The following MAMLD1 variants were observed in gnomAD, a reference collection of about 807,000 sequenced individuals.
MAMLD1 encodes the protein mastermind like domain containing 1, also known as mastermind-like domain-containing protein 1.
In MAMLD1, 14 loss-of-function variants were observed where a neutral mutation model predicts 45.0. The ratio of observed to expected loss-of-function variants is 0.31; its 90% CI spans 0.21 to 0.49. MAMLD1 has a LOEUF of 0.49. MAMLD1 is among the 20% of genes least tolerant of loss of function. MAMLD1 has a pLI of 0.99. For missense variants in MAMLD1, 543 were observed against 603.6 expected, an observed-to-expected ratio of 0.90 and a Z score of 1.05; for synonymous variants, 254 against 247.8, an observed-to-expected ratio of 1.02 and a Z score of -0.24.
At chrX:150,460,699 C>T (rs782806475) in intron 2 of MAMLD1, among the ~76,000 whole-genome samples, 2 of 111,991 alleles carry the variant, frequency 1.8e-5, no homozygotes, top group South Asian at 7.5e-4. Context: ...GCTGTGGCTA[C>T]CCCATATAGT....
intron 1 of MAMLD1, among the ~76,000 whole-genome samples, chrX:150,398,413 C>T (rs372364810): frequency 6.6e-5 from 7 of 106,584 alleles, no homozygotes; most frequent in African/African-American, 1.4e-4. Flanking sequence ...AGACAGGGAA[C>T]GAAGGAGCAA....
intron 1 of MAMLD1, among the ~76,000 whole-genome samples, chrX:150,423,614 AAGAG>A (rs138772700): frequency 0.27 from 27,246 of 101,403 alleles, 3,054 homozygotes; most frequent in Middle Eastern, 0.35. Flanking sequence ...AAGAGAGAGA[AAGAG>A]AGAGAGAGAG....
At chrX:150,424,832 A>G (rs2034649274) in intron 1 of MAMLD1, among the ~76,000 whole-genome samples, 1 of 111,901 alleles carries the variant, frequency 8.9e-6, no homozygotes, top group South Asian at 3.7e-4. Context: ...ACCACAATTA[A>G]TTCAAGAACA....
chrX:150,434,016 G>T (rs1284125266), intron 1 of MAMLD1, among the ~76,000 whole-genome samples: 1 of 111,717 alleles, frequency 9.0e-6, no homozygotes, highest in Non-Finnish European at 1.9e-5. Flanking sequence ...GAATTTGACT[G>T]TGAATCCATC....
At chrX:150,432,473 T>G (rs1420885216) in intron 1 of MAMLD1, among the ~76,000 whole-genome samples, 2 of 111,970 alleles carry the variant, frequency 1.8e-5, no homozygotes, top group Non-Finnish European at 3.8e-5. Flanking sequence ...TTTGGCATAT[T>G]TGTCATAAAA....
intron 5 of MAMLD1, among the ~76,000 whole-genome samples, chrX:150,497,266 A>AT (rs782429434): frequency 9.9e-6 from 1 of 101,102 alleles, no homozygotes; most frequent in Non-Finnish European, 2.0e-5. Flanking sequence ...TTTTTAAAAA[A>AT]TTTTTTTCTT....
intron 3 of MAMLD1, among the ~76,000 whole-genome samples, chrX:150,464,027 G>A (rs2036137996): frequency 8.9e-6 from 1 of 112,178 alleles, no homozygotes; most frequent in Admixed American, 9.4e-5. Context: ...GCTCTCCTCA[G>A]TGAGTACAAT....
chrX:150,370,523 C>G (rs1557400969), intron 1 of MAMLD1, among the ~76,000 whole-genome samples: 1 of 111,611 alleles, frequency 9.0e-6, no homozygotes, highest in Non-Finnish European at 1.9e-5. Context: ...AGGTAAGAAA[C>G]AGTAGCTTGT....
intron 1 of MAMLD1, among the ~76,000 whole-genome samples, chrX:150,431,365 C>G (rs143879863): frequency 0.041 from 4,160 of 100,532 alleles, 80 homozygotes; most frequent in Non-Finnish European, 0.062. Context: ...ACAATCATGT[C>G]AACTGCAATC....
Position 150,445,536 on chromosome X carries a change from G to A in MAMLD1, c.20G>A (p.Arg7Gln), listed in dbSNP as rs1557404746. ...CAAACAATGGATGACTGGAAAAGTCGGCTTGTAATCAAGAGCATGCTTCCC... is the reference window on the plus strand; with the variant it reads ...CAAACAATGGATGACTGGAAAAGTCAGCTTGTAATCAAGAGCATGCTTCCC... MDDWKSRLVIKSMLPHF... is the reference protein window; with the variant it reads MDDWKSQLVIKSMLPHF... The change falls in exon 2 of 8, where the codon CGG (arginine) becomes CAG (glutamine). Residue 7 changes from arginine (R) to glutamine (Q), a missense_variant. Transcript: ENST00000370401. The A allele has an allele frequency of 2.5e-6, 3 of 1,208,384 alleles. No homozygotes were observed.
At chrX:150,415,958 C>T in intron 1 of MAMLD1, among the ~76,000 whole-genome samples, 1 of 112,179 alleles carries the variant, frequency 8.9e-6, no homozygotes, top group Non-Finnish European at 1.9e-5. Context: ...GCTGCTTACT[C>T]TCTGGCTGGC....
chrX:150,429,825 A>G (rs1466978394), intron 1 of MAMLD1, among the ~76,000 whole-genome samples: 2 of 108,973 alleles, frequency 1.8e-5, no homozygotes, highest in Non-Finnish European at 3.8e-5. Context: ...TGATGTTGTC[A>G]TTGTTTTTTA....
intron 1 of MAMLD1, among the ~76,000 whole-genome samples, chrX:150,415,948 G>T (rs1317759835): frequency 8.9e-6 from 1 of 112,228 alleles, no homozygotes; most frequent in Non-Finnish European, 1.9e-5. Context: ...AGAAACTAGA[G>T]CTGCTTACTC....
At chrX:150,472,411 C>A (rs1223827513) in intron 4 of MAMLD1, among the ~76,000 whole-genome samples, 1 of 112,575 alleles carries the variant, frequency 8.9e-6, no homozygotes, top group Non-Finnish European at 1.9e-5. Context: ...AGTCTTCTGG[C>A]TGAGTATCTC....
At chrX:150,449,793 T>C (rs2124608279) in intron 2 of MAMLD1, among the ~76,000 whole-genome samples, 1 of 110,054 alleles carries the variant, frequency 9.1e-6, no homozygotes, top group South Asian at 4.1e-4. Flanking sequence ...GGCAAATTAT[T>C]CCCAGGCTTC....
In MAMLD1 at chrX:150,378,351, T is replaced by G. The variant is rs1603217168; in HGVS notation, c.-64+14821T>G. Among the ~76,000 whole-genome samples, 3 of 112,463 alleles carry G rather than the reference T, an allele frequency of 2.7e-5. No individual in the cohort carries two copies. The East Asian group carries it at 8.4e-4, about 31-fold the overall frequency. On this transcript the variant is annotated intron_variant, in intron 1 of 7. Transcript: ENST00000370401. ...CAGGAGGTCCACGATGTTAGTTCCA[T>G]TCATCCTATTCCTGGTGATTGTCAC... is the stretch of plus-strand genomic sequence containing the variant.
At chrX:150,362,181 A>G (rs1477766394), upstream of MAMLD1, among the ~76,000 whole-genome samples, 1 of 111,578 alleles carries the variant, frequency 9.0e-6, no homozygotes, top group Non-Finnish European at 1.9e-5. Flanking sequence ...GCGTGGGCGG[A>G]GGGACTGGCG....
intron 4 of MAMLD1, 98 bp downstream of exon 4, chrX:150,471,588 A>G (rs2036433117): frequency 3.5e-6 from 4 of 1,158,866 alleles, no homozygotes; most frequent in Admixed American, 4.5e-5. Flanking sequence ...AATCCAGGCT[A>G]TAGTTCTCTC....
chrX:150,372,525 G>C (rs782456019), intron 1 of MAMLD1, among the ~76,000 whole-genome samples: 1 of 112,255 alleles, frequency 8.9e-6, no homozygotes, highest in African/African-American at 3.2e-5. Flanking sequence ...GCTAGGCTTC[G>C]GGAGGAGGGC....
Sources: allele counts gnomAD v4.1 joint callset (sites outside exome capture counted in the v4.1 genomes callset), GRCh38; gene constraint gnomAD v4.1.1; transcripts MANE v1.5; gene names NCBI Gene and HGNC (gene_info 2026-07-23, HGNC 2026-07-21).